Variants in PRKG2 observed in about 807,000 individuals in gnomAD.
PRKG2 encodes the protein cGMP-dependent protein kinase 2.
PRKG2 carries 33 observed loss-of-function variants against 97.2 expected under a neutral mutation model. That is an observed-to-expected ratio of 0.34 (90% confidence interval 0.26 to 0.45). The LOEUF is 0.45. Ranked by LOEUF, PRKG2 falls within the 20% of genes least tolerant of loss-of-function variation. The pLI is 1.00. For missense variants in PRKG2, 638 were observed against 900.0 expected, an observed-to-expected ratio of 0.71 and a Z score of 3.73; for synonymous variants, 330 against 321.8, an observed-to-expected ratio of 1.03 and a Z score of -0.27.
At chr4:81,089,893 G>C in intron 18 of PRKG2, 90 bp from the exon 19 acceptor site, 1 of 1,033,020 alleles carries the variant, frequency 9.7e-7, no homozygotes, top group Non-Finnish European at 1.4e-6. Context: ...TCAGAACACT[G>C]ATTTCATACT....
In PRKG2 at chr4:81,101,676, A is replaced by G. The variant is rs182830725; in HGVS notation, c.2126+2694T>C. ...GCACATGTATACATATGTAACTAAC[A>G]TGCACGTTGTGCACATGTACCCTAA... On this transcript the variant is annotated intron_variant, in intron 17 of 18. Transcript: ENST00000264399. Among the ~76,000 whole-genome samples, 149 of 151,754 alleles carry G rather than the reference A, an allele frequency of 9.8e-4. 1 individual carries two copies. The highest frequency in any genetic ancestry group is 3.3e-3 in the African/African-American group (136 of 41,292).
chr4:81,207,476 A>G (rs788855), intron 1 of PRKG2, among the ~76,000 whole-genome samples: 58,416 of 152,024 alleles, frequency 0.38, 13,305 homozygotes, highest in African/African-American at 0.64. Context: ...ACCATATCAG[A>G]GGCATATCCC....
chr4:81,174,662 G>A, intron 3 of PRKG2, 131 bp downstream of exon 3: 1 of 837,756 alleles, frequency 1.2e-6, no homozygotes, highest in Non-Finnish European at 1.8e-6. Flanking sequence ...CAACAATTTT[G>A]CTATTTCATG....
chr4:81,096,022 T>C (rs1181204683), intron 17 of PRKG2, among the ~76,000 whole-genome samples: 1 of 152,186 alleles, frequency 6.6e-6, no homozygotes, highest in Non-Finnish European at 1.5e-5. Context: ...CTTCAATGAA[T>C]CATAGTCTTT....
At chr4:81,164,450 GAA>G (rs34350550) in intron 6 of PRKG2, among the ~76,000 whole-genome samples, 16,525 of 147,100 alleles carry the variant, frequency 0.11, 1,091 homozygotes, top group Middle Eastern at 0.21. Flanking sequence ...AGGATGACAG[GAA>G]AAAAAAAAAT....
chr4:81,193,640 G>C (rs540589745), intron 2 of PRKG2, among the ~76,000 whole-genome samples: 1 of 152,072 alleles, frequency 6.6e-6, no homozygotes, highest in South Asian at 2.1e-4. Context: ...AGGAGTTCTA[G>C]ACCAGCCTGG....
In PRKG2 at chr4:81,179,858, T is replaced by C. The variant is rs144681230; in HGVS notation, c.462-4899A>G. Among the ~76,000 whole-genome samples the C allele has an allele frequency of 3.8e-3, 575 of 152,146 alleles. 3 individuals are homozygous for C. Among genetic ancestry groups the C allele is most frequent in the African/African-American group, 0.013 (544 of 41,524 alleles). ...TGTTTAACTAGAAAGCTAACAAGGA[T>C]AGGCCGGGCGCAGTAGCTCATGCTT... is the stretch of plus-strand genomic sequence containing the variant. On this transcript the variant is annotated intron_variant, in intron 2 of 18. Coordinates refer to ENST00000264399, the MANE Select transcript of PRKG2 (RefSeq NM_006259.3).
chr4:81,121,482 T>C (rs1364753552), intron 14 of PRKG2, among the ~76,000 whole-genome samples: 1 of 152,210 alleles, frequency 6.6e-6, no homozygotes, highest in Admixed American at 6.5e-5. Context: ...CTTTAATAGA[T>C]ATAGGCCTAT....
intron 6 of PRKG2, among the ~76,000 whole-genome samples, chr4:81,161,934 G>C (rs1479861386): frequency 6.6e-6 from 1 of 151,922 alleles, no homozygotes; most frequent in Non-Finnish European, 1.5e-5. Context: ...ATATCTGGAA[G>C]GGGGGGTGGG....
intron 17 of PRKG2, 56 bp downstream of exon 17, chr4:81,104,314 T>C: frequency 7.6e-7 from 1 of 1,319,834 alleles, no homozygotes; most frequent in Non-Finnish European, 1.0e-6. Flanking sequence ...CTTTTGCAAG[T>C]ACCACATTGT....
rs369101721 is a variant in PRKG2, at chr4:81,119,744, G to A, written c.1777-9133C>T. 2.3e-4 allele frequency among the ~76,000 whole-genome samples: 34 copies of A among 150,414 alleles called. 1 individual carries two copies. In the South Asian group the frequency reaches 3.8e-3, roughly 17 times the overall value. On this transcript the variant is annotated intron_variant, in intron 14 of 18. Coordinates refer to ENST00000264399, the MANE Select transcript of PRKG2 (RefSeq NM_006259.3). ...GGCTGGAGTGCAGTGGTGAGATCTC[G>A]GCTCACTGCAAGCTCCACCTCCCGG...
At chr4:81,142,691 G>C in intron 11 of PRKG2, 103 bp downstream of exon 11, 1 of 1,312,034 alleles carries the variant, frequency 7.6e-7, no homozygotes, top group Non-Finnish European at 1.0e-6. Flanking sequence ...CAACATTTAA[G>C]ATAGCAGTAA....
chr4:81,096,491 A>G (rs1742132209), intron 17 of PRKG2, among the ~76,000 whole-genome samples: 1 of 152,158 alleles, frequency 6.6e-6, no homozygotes, highest in Non-Finnish European at 1.5e-5. Context: ...AGCCCTAATC[A>G]CACCACTGCA....
chr4:81,154,835 C>A (rs1182472725), intron 6 of PRKG2, among the ~76,000 whole-genome samples: 1 of 152,104 alleles, frequency 6.6e-6, no homozygotes, highest in Non-Finnish European at 1.5e-5. Flanking sequence ...TACGGGAGGA[C>A]ATTTAAACCA....
intron 2 of PRKG2, among the ~76,000 whole-genome samples, chr4:81,202,229 T>C (rs1044952524): frequency 6.6e-6 from 1 of 152,220 alleles, no homozygotes; most frequent in African/African-American, 2.4e-5. Context: ...AAGTTTACTT[T>C]TGGCTTTTAT....
intron 3 of PRKG2, among the ~76,000 whole-genome samples, chr4:81,174,388 TG>T (rs1750741024): frequency 6.6e-6 from 1 of 152,056 alleles, no homozygotes; most frequent in African/African-American, 2.4e-5. Flanking sequence ...CACATGGTAT[TG>T]TGATTAGAAG....
In PRKG2 at chr4:81,189,132, G is replaced by C. The variant is rs1356123703; in HGVS notation, c.462-14173C>G. On this transcript the variant is annotated intron_variant, in intron 2 of 18. Transcript: ENST00000264399. The stretch of plus-strand genomic sequence containing the variant: ...CACAATGTTTCAGTAGAGCACCAAG[G>C]AAAAATACAGGTTTTTACCTTAAAG... Among the ~76,000 whole-genome samples, 2 of 78,490 alleles carry C rather than the reference G, an allele frequency of 2.5e-5. 1 individual carries two copies. The highest frequency in any genetic ancestry group is 1.9e-4 in the African/African-American group (2 of 10,588). 51.5% of individuals were successfully genotyped at this position (78,490 alleles called of 152,430 possible).
intron 13 of PRKG2, among the ~76,000 whole-genome samples, chr4:81,136,956 A>G (rs1177997820): frequency 2.0e-5 from 3 of 152,138 alleles, no homozygotes; most frequent in Non-Finnish European, 4.4e-5. Context: ...GTAAATATCT[A>G]TGATTTTAAT....
At chr4:81,120,114 A>T (rs902768744) in intron 14 of PRKG2, among the ~76,000 whole-genome samples, 1 of 152,188 alleles carries the variant, frequency 6.6e-6, no homozygotes, top group Non-Finnish European at 1.5e-5. Flanking sequence ...AGGAGTATGC[A>T]CTTGTAACAA....
Sources: gnomAD v4.1 joint callset for allele counts (sites outside exome capture counted in the v4.1 genomes callset) on GRCh38, gnomAD v4.1.1 for gene constraint, MANE v1.5 for transcripts, NCBI Gene and HGNC (gene_info 2026-07-23, HGNC 2026-07-21) for gene names.